The following MAP1A variants were observed in gnomAD, a reference collection of about 807,000 sequenced individuals.
The protein encoded by MAP1A is microtubule-associated protein 1A.
MAP1A carries 42 observed loss-of-function variants against 185.9 expected under a neutral mutation model. The observed-to-expected ratio is 0.23, with a 90% CI of 0.18 to 0.29. The LOEUF is 0.29. Among genes scored for constraint, MAP1A ranks in the 10% least tolerant of loss-of-function variants. MAP1A has a pLI of 1.00. For missense variants in MAP1A, 2,995 were observed against 3,450.4 expected (o/e 0.87, Z 3.31); for synonymous variants, 1,229 against 1,335.9 (o/e 0.92, Z 1.74).
chr15:43,526,661 C>G lies in MAP1A; in HGVS notation c.5188C>G (p.Leu1730Val), dbSNP rs754426888. The change falls in exon 4 of 6, where the codon CTA (leucine) becomes GTA (valine). Residue 1730 changes from leucine to valine, a missense_variant. By Grantham distance (32) the Leu-to-Val change is conservative. Around this residue, in one of 3 missense-constraint regions of MAP1A, gnomAD observed 2,728 missense variants for 2,986.0 expected, o/e 0.91. Coordinates refer to ENST00000300231, the MANE Select transcript of MAP1A (RefSeq NM_002373.6). This position sits in a 1 kb window ranked among gnomAD's most constrained non-coding sequence, Gnocchi z 4.7. ...CACTGAGGAACGGGAAAGCACTTTC[C>G]TAGATGAGGGCCCAGATGATGAGCA... ...HYTEERESTF[L>V]DEGPDDEQEV... The G allele has an allele frequency of 2.5e-6, 4 of 1,614,062 alleles. No individual in the cohort carries two copies. Among genetic ancestry groups the G allele is most frequent in the Non-Finnish European group, 8.5e-7 (1 of 1,179,994 alleles).
intron 1 of MAP1A, among the ~76,000 whole-genome samples, chr15:43,511,978 C>T (rs951369382): frequency 2.0e-5 from 3 of 152,204 alleles, no homozygotes; most frequent in African/African-American, 7.2e-5. Context: ...CCTTCTCCCT[C>T]TGGCTCAGGC....
rs904580371 is a variant in MAP1A at position 43,526,698 on chromosome 15, T to G, written c.5225T>G (p.Leu1742Arg). The change falls in exon 4 of 6, where the codon CTG (leucine) becomes CGG (arginine). Residue 1742 changes from leucine (L) to arginine (R), a missense_variant. By Grantham distance (102) the Leu-to-Arg change is moderately radical. Coordinates refer to ENST00000300231, the MANE Select transcript of MAP1A (RefSeq NM_002373.6). The surrounding 1 kb of genome is among the most constrained non-coding windows in gnomAD (Gnocchi z 4.7). ...EGPDDEQEVPLREHATRSPWA... is the reference protein window; with the variant it reads ...EGPDDEQEVPRREHATRSPWA... ...CCAGATGATGAGCAAGAAGTACCCCTGCGGGAACACGCAACCCGGAGCCCC... is the reference window on the plus strand; with the variant it reads ...CCAGATGATGAGCAAGAAGTACCCCGGCGGGAACACGCAACCCGGAGCCCC... The G allele has an allele frequency of 6.2e-7, 1 of 1,613,934 alleles. No homozygotes were observed. The highest frequency in any genetic ancestry group is 8.5e-7 in the Non-Finnish European group (1 of 1,179,998).
chr15:43,529,985 C>T lies in MAP1A; in HGVS notation c.8257-84C>T. ...GCCTTTTCTAAGGGCAGCAGAGCTG[C>T]TTCTGAGACCATGAGGTGCCCCTTC... On this transcript the variant is annotated intron_variant, in intron 5 of 5. Coordinates refer to ENST00000300231, the MANE Select transcript of MAP1A (RefSeq NM_002373.6). This position sits in a 1 kb window ranked among gnomAD's most constrained non-coding sequence, Gnocchi z 4.3. 6.4e-7 allele frequency: 1 copy of T among 1,560,462 alleles called. No homozygotes were observed. Among genetic ancestry groups the T allele is most frequent in the Non-Finnish European group, 8.8e-7 (1 of 1,136,252 alleles).
exon 1 of MAP1A, chr15:43,511,019 C>T (rs1197626862): frequency 4.5e-6 from 7 of 1,547,178 alleles, no homozygotes; most frequent in Admixed American, 2.0e-5. Context: ...TGCGCGGCCT[C>T]ACGGCGTTGC....
rs1595648852 is a variant in MAP1A, at chr15:43,524,974, G to A, written c.3501G>A (p.Glu1167=). ...SVPSPDTANQ[E]PTPKSPCGLT... is the part of the protein sequence containing the mutation. ...CCTCCCCAGACACTGCCAACCAAGAGCCTACCCCCAAGTCTCCCTGTGGCC... is the reference window on the plus strand; with the variant it reads ...CCTCCCCAGACACTGCCAACCAAGAACCTACCCCCAAGTCTCCCTGTGGCC... The change falls in exon 4 of 6, where the codon GAG becomes GAA. Residue 1167 remains glutamate, a synonymous_variant. Coordinates refer to ENST00000300231, the MANE Select transcript of MAP1A (RefSeq NM_002373.6). 1.2e-6 allele frequency: 2 copies of A among 1,614,128 alleles called. No homozygotes were observed. The highest frequency in any genetic ancestry group is 2.7e-5 in the African/African-American group (2 of 75,024).
Position 43,528,288 on chromosome 15 carries a change from C to T in MAP1A, c.6815C>T (p.Ala2272Val), listed in dbSNP as rs371271500. The T allele has an allele frequency of 3.0e-5, 48 of 1,613,876 alleles. No individual in the cohort carries two copies. Among genetic ancestry groups the T allele is most frequent in the African/African-American group, 2.4e-4 (18 of 74,922 alleles). Residue 2272 changes from alanine to valine, a missense_variant, in exon 4 of 6, where the codon GCG (alanine) becomes GTG (valine). Ala to Val is a moderately conservative substitution (Grantham distance 64). Transcript: ENST00000300231. ...ACCACGCCTGTGATTTCAAGTGTGG[C>T]GGAGCGCTTCTCTCCAAGCCTTGAG... ...EATTPVISSVAERFSPSLEAA... is the reference protein window; with the variant it reads ...EATTPVISSVVERFSPSLEAA...
chr15:43,514,165 G>A (rs2079290827), upstream of MAP1A, among the ~76,000 whole-genome samples: 1 of 152,142 alleles, frequency 6.6e-6, no homozygotes, highest in African/African-American at 2.4e-5. Context: ...GTTTGTCTGT[G>A]GTGTCCTCAA....
chr15:43,526,815 C>T lies in MAP1A; in HGVS notation c.5342C>T (p.Pro1781Leu). The T allele has an allele frequency of 1.2e-6, 2 of 1,614,136 alleles. No individual in the cohort carries two copies. The highest frequency in any genetic ancestry group is 1.7e-6 in the Non-Finnish European group (2 of 1,180,016). ...CTTGCTGAATCACCAGTTGGGTTGC[C>T]ACCAGAGGAAGAGGACAAACTGACC... The part of the protein sequence containing the change: ...RWLAESPVGL[P>L]PEEEDKLTRS... The change falls in exon 4 of 6, where the codon CCA becomes CTA. Residue 1781 changes from proline to leucine, a missense_variant. By Grantham distance (98) the Pro-to-Leu change is moderately conservative (BLOSUM62 -3). This residue lies in a region of MAP1A where 2,728 missense variants were observed against 2,986.0 expected (regional missense o/e 0.91). Transcript: ENST00000300231. The surrounding 1 kb of genome is among the most constrained non-coding windows in gnomAD (Gnocchi z 4.7).
rs1230276759 is a variant in MAP1A at position 43,523,879 on chromosome 15, T to C, written c.2406T>C (p.Tyr802=). ...TTCCTGCTACCTCTGGCAAAGTCTATGGAACGCCAGAGACTGAACTCACCT... is the reference window on the plus strand; with the variant it reads ...TTCCTGCTACCTCTGGCAAAGTCTACGGAACGCCAGAGACTGAACTCACCT... ...SAVPATSGKV[Y]GTPETELTYP... is the part of the protein sequence containing the mutation. Residue 802 remains tyrosine, a synonymous_variant, in exon 4 of 6, where the codon TAT becomes TAC. Transcript: ENST00000300231. 1 of 1,614,056 alleles carries C rather than the reference T, an allele frequency of 6.2e-7. No individual in the cohort carries two copies. The highest frequency in any genetic ancestry group is 2.2e-5 in the East Asian group (1 of 44,896).
chr15:43,512,328 G>A, intron 2 of MAP1A: 1 of 1,423,018 alleles, frequency 7.0e-7, no homozygotes, highest in Non-Finnish European at 9.7e-7. Flanking sequence ...CTTTGGGTAA[G>A]AGCTGGTCAC....
In MAP1A at chr15:43,522,324, G is replaced by A. The variant is rs1176720155; in HGVS notation, c.851G>A (p.Arg284Gln). 8.7e-6 allele frequency: 14 copies of A among 1,613,998 alleles called. 1 individual carries two copies. Among genetic ancestry groups the A allele is most frequent in the South Asian group, 4.4e-5 (4 of 91,072 alleles). The change falls in exon 4 of 6, where the codon CGG (arginine) becomes CAG (glutamine). Residue 284 changes from arginine to glutamine, a missense_variant. Physicochemically the swap from Arg to Gln is conservative, Grantham distance 43 (BLOSUM62 1). Coordinates refer to ENST00000300231, the MANE Select transcript of MAP1A (RefSeq NM_002373.6). The surrounding 1 kb of genome is among the most constrained non-coding windows in gnomAD (Gnocchi z 5.9). Reference sequence around the variant, plus strand: ...ATCTTGGAGGGCCTAGAAAAGCTTCGGCATCTGGACTTCCTGCGTTACCCT... The same window carrying A: ...ATCTTGGAGGGCCTAGAAAAGCTTCAGCATCTGGACTTCCTGCGTTACCCT... ...NKILEGLEKLRHLDFLRYPVA... is the reference protein window; with the variant it reads ...NKILEGLEKLQHLDFLRYPVA...
At position 43,521,724 on chromosome 15, in the gene MAP1A, C is replaced by T. The variant is rs753628083; in HGVS notation, c.251C>T (p.Ser84Leu). The T allele has an allele frequency of 3.1e-6, 5 of 1,614,200 alleles. No individual in the cohort carries two copies. Among genetic ancestry groups the T allele is most frequent in the South Asian group, 2.2e-5 (2 of 91,082 alleles). Residue 84 changes from serine (S) to leucine (L), a missense_variant, in exon 4 of 6, where the codon TCG becomes TTG. Around this residue, in one of 3 missense-constraint regions of MAP1A, gnomAD observed 264 missense variants for 435.3 expected, o/e 0.61. Coordinates refer to ENST00000300231, the MANE Select transcript of MAP1A (RefSeq NM_002373.6). The surrounding 1 kb of genome is among the most constrained non-coding windows in gnomAD (Gnocchi z 4.6). ...KLVRHLDRIDSVLLTHIGADN... is the reference protein window; with the variant it reads ...KLVRHLDRIDLVLLTHIGADN... ...GTACGGCACTTGGACCGCATTGACT[C>T]GGTGCTACTCACACACATTGGGGCA...
chr15:43,528,581 C>G lies in MAP1A; in HGVS notation c.7108C>G (p.Pro2370Ala). ...CCCAACTGAAACCAGCCCTAACCCC[C>G]CAGGCCCTGCCCCAGCCAAGGCTGA... ...NGPTETSPNP[P>A]GPAPAKAENE... The change falls in exon 4 of 6, where the codon CCA becomes GCA. Residue 2370 changes from proline (P) to alanine (A), a missense_variant. Pro to Ala is a conservative substitution (Grantham distance 27). This residue lies in a region of MAP1A where 2,728 missense variants were observed against 2,986.0 expected (regional missense o/e 0.91). Coordinates refer to ENST00000300231, the MANE Select transcript of MAP1A (RefSeq NM_002373.6). 2 of 1,613,948 alleles carry G rather than the reference C, an allele frequency of 1.2e-6. No individual in the cohort carries two copies. Among genetic ancestry groups the G allele is most frequent in the Non-Finnish European group, 1.7e-6 (2 of 1,180,016 alleles).
At position 43,528,471 on chromosome 15, in the gene MAP1A, T is replaced by C. The variant is rs1428604538; in HGVS notation, c.6998T>C (p.Leu2333Pro). ...CCTGGAGACATGGGTGATGGCATCC[T>C]GCCGTGCCACCTGGAGTGCTCAGAG... is the stretch of plus-strand genomic sequence containing the variant. ...SLPGDMGDGI[L>P]PCHLECSEAA... Residue 2333 changes from leucine (L) to proline (P), a missense_variant, in exon 4 of 6, where the codon CTG becomes CCG. Leu to Pro is a moderately conservative substitution (Grantham distance 98). Transcript: ENST00000300231. 2 of 1,613,408 alleles carry C rather than the reference T, an allele frequency of 1.2e-6. No individual in the cohort carries two copies. Among genetic ancestry groups the C allele is most frequent in the Non-Finnish European group, 1.7e-6 (2 of 1,180,036 alleles).
At position 43,527,589 on chromosome 15, in the gene MAP1A, C is replaced by T; in HGVS notation, c.6116C>T (p.Ala2039Val). Residue 2039 changes from alanine (A) to valine (V), a missense_variant, in exon 4 of 6, where the codon GCA (alanine) becomes GTA (valine). Ala to Val is a moderately conservative substitution (Grantham distance 64). Around this residue, in one of 3 missense-constraint regions of MAP1A, gnomAD observed 2,728 missense variants for 2,986.0 expected, o/e 0.91. Transcript: ENST00000300231. ...DTPTFSYAAL[A>V]GPTVPPRPEP... ...CCAACCTTCAGCTATGCAGCCCTGG[C>T]AGGACCCACTGTACCCCCAAGGCCA... 1 of 1,614,126 alleles carries T rather than the reference C, an allele frequency of 6.2e-7. No individual in the cohort carries two copies. The highest frequency in any genetic ancestry group is 8.5e-7 in the Non-Finnish European group (1 of 1,180,016).
chr15:43,525,540 A>T lies in MAP1A; in HGVS notation c.4067A>T (p.Gln1356Leu). ...GGGTTGAAAGACAGAACCTCAGAACAGAAGAAGGAACCTGAGCCAAAGGAT... is the reference window on the plus strand; with the variant it reads ...GGGTTGAAAGACAGAACCTCAGAACTGAAGAAGGAACCTGAGCCAAAGGAT... ...VPGLKDRTSE[Q>L]KKEPEPKDEV... The change falls in exon 4 of 6, where the codon CAG becomes CTG. Residue 1356 changes from glutamine (Q) to leucine (L), a missense_variant. By Grantham distance (113) the Gln-to-Leu change is moderately radical. This residue lies in a region of MAP1A where 2,728 missense variants were observed against 2,986.0 expected (regional missense o/e 0.91). Transcript: ENST00000300231. The T allele has an allele frequency of 6.2e-7, 1 of 1,614,250 alleles. No individual in the cohort carries two copies. Among genetic ancestry groups the T allele is most frequent in the East Asian group, 2.2e-5 (1 of 44,894 alleles).
At chr15:43,514,632 C>T (rs994955557), upstream of MAP1A, among the ~76,000 whole-genome samples, 1 of 152,128 alleles carries the variant, frequency 6.6e-6, no homozygotes, top group East Asian at 1.9e-4. Context: ...ATTGACATAC[C>T]CACACACAGA....
In MAP1A at chr15:43,528,997, C is replaced by G. The variant is rs1194049644; in HGVS notation, c.7524C>G (p.Ser2508=). The G allele has an allele frequency of 1.9e-6, 3 of 1,613,724 alleles. No homozygotes were observed. Among genetic ancestry groups the G allele is most frequent in the African/African-American group, 1.3e-5 (1 of 75,056 alleles). The part of the protein sequence containing the change: ...TPPTSASDSG[S]SQSDSDVPPE... ...CTACATCAGCCAGTGACTCAGGCTC[C>G]TCACAGTCAGATTCTGATGTCCCGC... Residue 2508 remains serine, a synonymous_variant, in exon 4 of 6, where the codon TCC becomes TCG. Coordinates refer to ENST00000300231, the MANE Select transcript of MAP1A (RefSeq NM_002373.6).
At position 43,529,353 on chromosome 15, in the gene MAP1A, A is replaced by C; in HGVS notation, c.7880A>C (p.Lys2627Thr). ...GCACGGCGTCTGGATCTTCGGGGAA[A>C]ACGCTCACCCACCCCTGGTAAAGGG... ...SPARRLDLRG[K>T]RSPTPGKGPA... The change falls in exon 4 of 6, where the codon AAA becomes ACA. Residue 2627 changes from lysine (K) to threonine (T), a missense_variant. By Grantham distance (78) the Lys-to-Thr change is moderately conservative. Around this residue, in one of 3 missense-constraint regions of MAP1A, gnomAD observed 2,728 missense variants for 2,986.0 expected, o/e 0.91. Transcript: ENST00000300231. This position sits in a 1 kb window ranked among gnomAD's most constrained non-coding sequence, Gnocchi z 4.3. The C allele has an allele frequency of 1.2e-6, 2 of 1,613,912 alleles. No individual in the cohort carries two copies. The highest frequency in any genetic ancestry group is 1.7e-6 in the Non-Finnish European group (2 of 1,179,994).
Sources: gnomAD v4.1 joint callset for allele counts (sites outside exome capture counted in the v4.1 genomes callset) on GRCh38, gnomAD v4.1.1 for gene constraint, gnomAD v4.1.1 regional missense constraint, Gnocchi (gnomAD v3.1) non-coding constraint, MANE v1.5 for transcripts, NCBI Gene and HGNC (gene_info 2026-07-23, HGNC 2026-07-21) for gene names.